Variants in ADAMTSL1 observed in about 807,000 individuals in gnomAD.
ADAMTSL1 encodes the protein ADAMTS-like protein 1.
A neutral mutation model predicts 201.8 loss-of-function variants in ADAMTSL1; 126 were observed. That is an observed-to-expected ratio of 0.62 (90% CI 0.54 to 0.72). The LOEUF is 0.72. Ranked by LOEUF, ADAMTSL1 falls within the 30% of genes least tolerant of loss-of-function variation. The pLI, the probability that ADAMTSL1 is intolerant of heterozygous loss-of-function variation, is 0.00. For missense variants in ADAMTSL1, 2,679 were observed against 2,277.8 expected (o/e 1.18, Z -3.59); for synonymous variants, 1,121 against 903.4 (o/e 1.24, Z -4.32).
rs769007272 is a variant in ADAMTSL1 at position 18,776,904 on chromosome 9, A to C, written c.2675A>C (p.Lys892Thr). 6.2e-7 allele frequency: 1 copy of C among 1,610,164 alleles called. No individual in the cohort carries two copies. Among genetic ancestry groups the C allele is most frequent in the African/African-American group, 1.3e-5 (1 of 74,880 alleles). The stretch of plus-strand genomic sequence containing the variant: ...GGGGGCTTCGCCTACCTGCTCCCCA[A>C]GACGGCGGTGGTGCTGCGCTGCCCG... ...VVGGFAYLLPKTAVVLRCPAR... is the reference protein window; with the variant it reads ...VVGGFAYLLPTTAVVLRCPAR... Residue 892 changes from lysine (K) to threonine (T), a missense_variant, in exon 19 of 29, where the codon AAG becomes ACG. Physicochemically the swap from Lys to Thr is moderately conservative, Grantham distance 78 (BLOSUM62 -1). Transcript: ENST00000380548.
intron 2 of ADAMTSL1, among the ~76,000 whole-genome samples, chr9:18,210,034 T>C (rs143037072): frequency 1.3e-5 from 2 of 152,152 alleles, no homozygotes; most frequent in Non-Finnish European, 2.9e-5. Flanking sequence ...ATAAGTGGGC[T>C]ACATTGCTAT....
intron 15 of ADAMTSL1, among the ~76,000 whole-genome samples, chr9:18,725,194 A>C (rs543781): frequency 0.98 from 149,380 of 152,284 alleles, 73,329 homozygotes; most frequent in Middle Eastern, 1. Flanking sequence ...GCGTGAGCCA[A>C]CGTGCCCGGC....
chr9:18,853,889 C>CTGTGTGTGTGTGTGTG (rs71333070), intron 23 of ADAMTSL1, among the ~76,000 whole-genome samples: 83 of 120,366 alleles, frequency 6.9e-4, no homozygotes, highest in Admixed American at 9.7e-4. Flanking sequence ...TATTCACTCT[C>CTGTGTGTGTGTGTGTG]TGTGTGTGTG....
chr9:18,551,577 G>A (rs1252043471), intron 3 of ADAMTSL1, among the ~76,000 whole-genome samples: 2 of 147,302 alleles, frequency 1.4e-5, no homozygotes, highest in Non-Finnish European at 3.0e-5. Flanking sequence ...TCTACATGCA[G>A]TATAGCCTAG....
chr9:18,143,123 T>G (rs1587146897), intron 1 of ADAMTSL1, among the ~76,000 whole-genome samples: 1 of 152,272 alleles, frequency 6.6e-6, no homozygotes, highest in Non-Finnish European at 1.5e-5. Context: ...TTAAACAAGC[T>G]TGTAATCAGA....
intron 5 of ADAMTSL1, among the ~76,000 whole-genome samples, chr9:18,625,379 G>T (rs921929221): frequency 2.6e-5 from 4 of 152,004 alleles, no homozygotes; most frequent in African/African-American, 9.7e-5. Flanking sequence ...AAGAGAAGTA[G>T]GAGAAGTTTA....
At chr9:17,908,718 A>G (rs1272198179) in intron 1 of ADAMTSL1, among the ~76,000 whole-genome samples, 1 of 152,200 alleles carries the variant, frequency 6.6e-6, no homozygotes, top group Non-Finnish European at 1.5e-5. Flanking sequence ...TCGGCCTTCC[A>G]AAGTTCTGGG....
chr9:18,603,336 A>G (rs1282120310), intron 4 of ADAMTSL1, among the ~76,000 whole-genome samples: 2 of 151,198 alleles, frequency 1.3e-5, no homozygotes, highest in African/African-American at 2.4e-5. Flanking sequence ...TCTGTCTCCA[A>G]AGCTATATGC....
rs527432117 is a variant in ADAMTSL1 at position 18,818,080 on chromosome 9, A to G, written c.3934+843A>G. Among the ~76,000 whole-genome samples the G allele has an allele frequency of 6.1e-4, 93 of 152,350 alleles. 1 individual carries two copies. Among genetic ancestry groups the G allele is most frequent in the African/African-American group, 2.1e-3 (87 of 41,592 alleles). On this transcript the variant is annotated intron_variant, in intron 21 of 28. Transcript: ENST00000380548. ...ATTAAAAGACAGAAAACACCTACAT[A>G]TAGCAGAATGAGGCCCAGCTACTAT...
Position 18,618,858 on chromosome 9 carries a change from C to G in ADAMTSL1, c.475-3385C>G, listed in dbSNP as rs184497338. 6.0e-3 allele frequency among the ~76,000 whole-genome samples: 909 copies of G among 152,246 alleles called. 11 individuals carry two copies. The highest frequency in any genetic ancestry group is 0.021 in the African/African-American group (872 of 41,560). On this transcript the variant is annotated intron_variant, in intron 4 of 28. Transcript: ENST00000380548. ...TCTCATGACCAATGAGAAATGTATTCTTTTAACTGCATATAATGCTAACCC... is the reference window on the plus strand; with the variant it reads ...TCTCATGACCAATGAGAAATGTATTGTTTTAACTGCATATAATGCTAACCC...
intron 3 of ADAMTSL1, among the ~76,000 whole-genome samples, chr9:18,567,875 T>G (rs1587591120): frequency 1.3e-5 from 2 of 152,238 alleles, no homozygotes; most frequent in South Asian, 4.1e-4. Flanking sequence ...TTTTAACATT[T>G]AATATTATTG....
intron 9 of ADAMTSL1, among the ~76,000 whole-genome samples, chr9:18,670,598 A>G (rs1299813564): frequency 6.6e-6 from 1 of 152,100 alleles, no homozygotes. Context: ...TCCTTTCCTA[A>G]CTAGCTTTTA....
At chr9:18,223,656 G>A (rs1166722270) in intron 2 of ADAMTSL1, among the ~76,000 whole-genome samples, 1 of 151,982 alleles carries the variant, frequency 6.6e-6, no homozygotes, top group Non-Finnish European at 1.5e-5. Flanking sequence ...ATACCTGCAA[G>A]CATTTTATTT....
intron 2 of ADAMTSL1, among the ~76,000 whole-genome samples, chr9:18,366,055 A>G (rs1836753430): frequency 6.6e-6 from 1 of 152,082 alleles, no homozygotes. Context: ...GTTGGGGACC[A>G]CTGTATTTTG....
rs145873121 is a variant in ADAMTSL1 at position 18,259,742 on chromosome 9, C to T, written c.207+95761C>T. The stretch of plus-strand genomic sequence containing the variant: ...AACTGGGGTCTAATAACGCCTAATG[C>T]GCTTGTAAGATGAAATAAGGTAATA... On this transcript the variant is annotated intron_variant, in intron 2 of 29. Coordinates refer to the ADAMTSL1 transcript ENST00000680146. 2.0e-4 allele frequency among the ~76,000 whole-genome samples: 30 copies of T among 152,068 alleles called. No individual in the cohort carries two copies. The East Asian group carries it at 4.3e-3, about 22-fold the overall frequency.
intron 1 of ADAMTSL1, among the ~76,000 whole-genome samples, chr9:17,921,232 A>C (rs894083351): frequency 1.3e-5 from 2 of 152,122 alleles, no homozygotes; most frequent in African/African-American, 4.8e-5. Context: ...TTGAACCAGT[A>C]TTCCTAGCTG....
intron 2 of ADAMTSL1, among the ~76,000 whole-genome samples, chr9:18,303,459 G>A (rs1390493033): frequency 6.6e-6 from 1 of 152,180 alleles, no homozygotes; most frequent in Non-Finnish European, 1.5e-5. Context: ...TGTTCCTTCT[G>A]GCAGCACAGG....
chr9:18,277,274 G>C (rs1308446932), intron 2 of ADAMTSL1, among the ~76,000 whole-genome samples: 1 of 152,096 alleles, frequency 6.6e-6, no homozygotes, highest in Non-Finnish European at 1.5e-5. Context: ...CTAAAGTGTT[G>C]TTCAAGTCCA....
intron 23 of ADAMTSL1, among the ~76,000 whole-genome samples, chr9:18,867,535 C>T (rs1169247411): frequency 6.6e-6 from 1 of 152,160 alleles, no homozygotes; most frequent in Admixed American, 6.5e-5. Flanking sequence ...TAATCACCAC[C>T]TTCTGCCATT....
Sources: allele counts gnomAD v4.1 joint callset (sites outside exome capture counted in the v4.1 genomes callset), GRCh38; gene constraint gnomAD v4.1.1; transcripts MANE v1.5; gene names NCBI Gene and HGNC (gene_info 2026-07-23, HGNC 2026-07-21).